ACOT1: variants seen among roughly 807,000 people sequenced by gnomAD.
ACOT1 encodes the protein acyl-coenzyme A thioesterase 1.
A neutral mutation model predicts 15.7 loss-of-function variants in ACOT1; 8 were observed. The observed-to-expected ratio is 0.51, with a 90% CI of 0.30 to 0.92. ACOT1 has a LOEUF of 0.92. Ranked by LOEUF, ACOT1 falls within the 40% of genes least tolerant of loss-of-function variation. ACOT1 has a pLI of 0.06. For synonymous variants in ACOT1, 67 were observed against 241.2 expected (o/e 0.28, Z 6.69); for missense variants, 151 against 539.4 (o/e 0.28, Z 7.13).
chr14:73,500,769 CT>C, the ACOT1 span: 2 of 1,587,746 alleles, frequency 1.3e-6, no homozygotes, highest in South Asian at 1.1e-5. Flanking sequence ...CCTCCTTAAA[CT>C]TTCAGTACCT....
chr14:73,506,804 G>GGTTTTTTT, the ACOT1 span, among the ~76,000 whole-genome samples: 1 of 80,522 alleles, frequency 1.2e-5, no homozygotes, highest in Non-Finnish European at 2.2e-5. Context: ...GACTTTAACT[G>GGTTTTTTT]TTTTTTTTTT....
chr14:73,498,110 T>C, the ACOT1 span: 1 of 1,528,562 alleles, frequency 6.5e-7, no homozygotes, highest in Non-Finnish European at 8.9e-7. Flanking sequence ...GATGTGAGAG[T>C]TGGCAGTATA....
the ACOT1 span, among the ~76,000 whole-genome samples, chr14:73,502,363 T>C: frequency 2.8e-4 from 43 of 152,178 alleles, no homozygotes; most frequent in Non-Finnish European, 5.1e-4. Flanking sequence ...GTCATCAGAA[T>C]TGCGTCATAC....
the ACOT1 span, among the ~76,000 whole-genome samples, chr14:73,525,500 T>C: frequency 6.6e-6 from 1 of 152,130 alleles, no homozygotes; most frequent in Admixed American, 6.5e-5. Flanking sequence ...TGAAGGCAAG[T>C]TAAGAGAAAG....
At chr14:73,512,676 G>A in the ACOT1 span, among the ~76,000 whole-genome samples, 1 of 152,160 alleles carries the variant, frequency 6.6e-6, no homozygotes, top group Non-Finnish European at 1.5e-5. Flanking sequence ...GTTAACTATT[G>A]TGGTTTTCAT....
the ACOT1 span, among the ~76,000 whole-genome samples, chr14:73,499,838 G>C: frequency 6.6e-6 from 1 of 152,252 alleles, no homozygotes; most frequent in South Asian, 2.1e-4. Context: ...CTCTAGAATC[G>C]AAGTCTGGGC....
At chr14:73,522,942 G>A in the ACOT1 span, 1 of 1,614,228 alleles carries the variant, frequency 6.2e-7, no homozygotes, top group Non-Finnish European at 8.5e-7. Flanking sequence ...GAGAAGGTAA[G>A]GTTTGCAGCA....
chr14:73,532,774 A>G (rs1297503562), upstream of ACOT1, among the ~76,000 whole-genome samples: 118 of 113,458 alleles, frequency 1.0e-3, 23 homozygotes, highest in African/African-American at 2.6e-3. Flanking sequence ...CTAACACAGT[A>G]AAACCCCATC....
the ACOT1 span, chr14:73,508,390 G>C: frequency 6.2e-6 from 6 of 960,594 alleles, no homozygotes; most frequent in Admixed American, 1.0e-4. Context: ...TACCCCACCT[G>C]ATATCTCACT....
chr14:73,519,143 G>T, the ACOT1 span: 2 of 1,612,728 alleles, frequency 1.2e-6, no homozygotes, highest in African/African-American at 2.7e-5. Context: ...GCACCAATCT[G>T]GTGGATGATC....
chr14:73,539,192 C>T (rs1888988011), intron 1 of ACOT1: 1 of 114,504 alleles, frequency 8.7e-6, no homozygotes, highest in African/African-American at 2.8e-5. Flanking sequence ...GCTCCAGCTG[C>T]AGCTGCTGCC....
At chr14:73,498,026 G>C in the ACOT1 span, 5 of 779,778 alleles carry the variant, frequency 6.4e-6, no homozygotes, top group East Asian at 2.6e-5. Context: ...GGTGAGTGGT[G>C]AATGTGCAGG....
At chr14:73,518,923 C>T in the ACOT1 span, 1 of 1,193,254 alleles carries the variant, frequency 8.4e-7, no homozygotes, top group Non-Finnish European at 1.2e-6. Flanking sequence ...GTGCTTCAGC[C>T]CATGAACTGG....
the ACOT1 span, chr14:73,509,308 T>A: frequency 6.2e-7 from 1 of 1,613,378 alleles, no homozygotes; most frequent in Non-Finnish European, 8.5e-7. Flanking sequence ...AGGGAGTTAC[T>A]CACCCTTCAG....
chr14:73,495,180 G>A, the ACOT1 span: 1 of 1,540,434 alleles, frequency 6.5e-7, no homozygotes, highest in African/African-American at 1.4e-5. Context: ...TCCTGGAAGA[G>A]GCTTATTAAA....
the ACOT1 span, among the ~76,000 whole-genome samples, chr14:73,511,120 C>G: frequency 9.9e-5 from 15 of 152,230 alleles, 1 homozygote; most frequent in South Asian, 3.1e-3. Context: ...TTTGTTATCC[C>G]TTTGTCTACC....
At chr14:73,536,976 GGTT>G (rs10534104), upstream of ACOT1, 38,822 of 116,794 alleles carry the variant, frequency 0.33, 13,895 homozygotes, top group Admixed American at 0.46. Flanking sequence ...CTAGCTGCCT[GGTT>G]GTTGTTGTTT....
At chr14:73,530,967 C>G in the ACOT1 span, 5 of 99,456 alleles carry the variant, frequency 5.0e-5, no homozygotes, top group Admixed American at 3.6e-4. Flanking sequence ...AATCCCAAAA[C>G]TGGGGCCCAG....
At chr14:73,521,641 T>G in the ACOT1 span, among the ~76,000 whole-genome samples, 1 of 152,240 alleles carries the variant, frequency 6.6e-6, no homozygotes, top group African/African-American at 2.4e-5. Context: ...CAGTCTTCCC[T>G]CTAGCTATAA....
Sources: gnomAD v4.1 joint callset for allele counts (sites outside exome capture counted in the v4.1 genomes callset) on GRCh38, gnomAD v4.1.1 for gene constraint, MANE v1.5 for transcripts, NCBI Gene and HGNC (gene_info 2026-07-23, HGNC 2026-07-21) for gene names.